TAOK1: variants seen among roughly 807,000 people sequenced by gnomAD.
TAOK1 encodes serine/threonine-protein kinase TAO1.
A neutral mutation model predicts 138.3 loss-of-function variants in TAOK1; 21 were observed. That is an observed-to-expected ratio of 0.15 (90% confidence interval 0.11 to 0.22). TAOK1 has a LOEUF of 0.22. Among genes scored for constraint, TAOK1 ranks in the 10% least tolerant of loss-of-function variants. TAOK1 has a pLI of 1.00. For missense variants in TAOK1, 651 were observed against 1,227.7 expected (o/e 0.53, Z 7.02); for synonymous variants, 361 against 398.4 (o/e 0.91, Z 1.12).
In TAOK1 at chr17:29,406,584, A is replaced by G. The variant is rs560898488; in HGVS notation, c.-95+15560A>G. Among the ~76,000 whole-genome samples the G allele has an allele frequency of 1.3e-4, 19 of 151,976 alleles. No homozygotes were observed. The East Asian group carries it at 1.4e-3, about 11-fold the overall frequency. On this transcript the variant is annotated intron_variant, in intron 1 of 19. Transcript: ENST00000261716. ...ACTGTTTTGCCCAGACTGAAGTGCA[A>G]TGGCACAATCACGGCTCACTGTAGC...
intron 3 of TAOK1, among the ~76,000 whole-genome samples, chr17:29,468,135 A>ATGTTTTTTTTTTTTTTTTTTTTTTT (rs2030720785): frequency 1.3e-5 from 1 of 76,058 alleles, no homozygotes; most frequent in Non-Finnish European, 2.5e-5. Flanking sequence ...CCTGCTTTCA[A>ATGTTTTTTTTTTTTTTTTTTTTTTT]TTTTTTTTTT....
chr17:29,395,991 G>A (rs1008139865), intron 1 of TAOK1, among the ~76,000 whole-genome samples: 3 of 151,638 alleles, frequency 2.0e-5, no homozygotes, highest in Non-Finnish European at 4.4e-5. Flanking sequence ...TACTATTAAT[G>A]GTTGGATTTT....
chr17:29,481,080 G>A (rs1462552008), intron 7 of TAOK1, among the ~76,000 whole-genome samples: 1 of 151,830 alleles, frequency 6.6e-6, no homozygotes, highest in Non-Finnish European at 1.5e-5. Flanking sequence ...ATTCAGTCTT[G>A]GTTATTGTGG....
chr17:29,491,989 A>G, intron 10 of TAOK1, 124 bp downstream of exon 10: 1 of 649,556 alleles, frequency 1.5e-6, no homozygotes, highest in Non-Finnish European at 2.7e-6. Context: ...GGCTCAAGCG[A>G]TCCTCCCACC....
chr17:29,493,321 C>T lies in TAOK1; in HGVS notation c.831+1456C>T, dbSNP rs140365788. On this transcript the variant is annotated intron_variant, in intron 10 of 19. Transcript: ENST00000261716. ...ACCAGCCTGAGCAACGTGGAGAAACCCTGTCTCTACTAAAAATACAAAATT... is the reference window on the plus strand; with the variant it reads ...ACCAGCCTGAGCAACGTGGAGAAACTCTGTCTCTACTAAAAATACAAAATT... 3.3e-3 allele frequency among the ~76,000 whole-genome samples: 495 copies of T among 151,994 alleles called. 6 individuals carry two copies. The highest frequency in any genetic ancestry group is 0.011 in the African/African-American group (475 of 41,468).
At chr17:29,418,206 C>T (rs111858866) in intron 1 of TAOK1, among the ~76,000 whole-genome samples, 1,834 of 152,026 alleles carry the variant, frequency 0.012, 32 homozygotes, top group African/African-American at 0.042. Flanking sequence ...TGTTTCGAGA[C>T]AGGATCTTGC....
At chr17:29,398,451 C>G (rs542799189) in intron 1 of TAOK1, among the ~76,000 whole-genome samples, 174 of 152,222 alleles carry the variant, frequency 1.1e-3, no homozygotes, top group African/African-American at 4.1e-3. Flanking sequence ...AGGTGATCGC[C>G]TGCCTTGGCC....
intron 12 of TAOK1, 85 bp downstream of exon 12, chr17:29,498,606 G>A: frequency 6.7e-7 from 1 of 1,503,562 alleles, no homozygotes; most frequent in South Asian, 1.2e-5. Context: ...GAAGAAGGAA[G>A]ATAAGGAAGT....
rs1904383972 is a variant in TAOK1, at chr17:29,390,585, C to T, written c.-534C>T. On this transcript the variant is annotated 5_prime_UTR_variant, in exon 1 of 20. Transcript: ENST00000261716. ...CCGGCCGGCCCGCGGCCTCTCTTCC[C>T]TTTGTGAGCGCCTCCTTACCAGGGG... is the stretch of plus-strand genomic sequence containing the variant. 6.6e-6 allele frequency: 1 copy of T among 152,188 alleles called. No individual in the cohort carries two copies. Among genetic ancestry groups the T allele is most frequent in the Non-Finnish European group, 1.5e-5 (1 of 68,218 alleles). The allele number at this position is 152,188 out of a possible 1,614,324, so 9.4% of individuals were successfully genotyped here.
At chr17:29,425,471 G>A (rs1293806413) in intron 1 of TAOK1, among the ~76,000 whole-genome samples, 1 of 152,156 alleles carries the variant, frequency 6.6e-6, no homozygotes, top group Non-Finnish European at 1.5e-5. Context: ...TTGAGTTCAC[G>A]AGTTTGAGAC....
At chr17:29,398,713 G>T (rs966237657) in intron 1 of TAOK1, among the ~76,000 whole-genome samples, 2 of 151,694 alleles carry the variant, frequency 1.3e-5, no homozygotes, top group Non-Finnish European at 1.5e-5. Context: ...TGTTTTTTTA[G>T]TAGAGACAGG....
intron 11 of TAOK1, among the ~76,000 whole-genome samples, chr17:29,497,567 G>A (rs1429229182): frequency 2.0e-5 from 3 of 151,838 alleles, no homozygotes; most frequent in African/African-American, 7.3e-5. Context: ...ACAGCTGCCC[G>A]TTTACATCAG....
chr17:29,540,732 G>T (rs1436830859), intron 19 of TAOK1, among the ~76,000 whole-genome samples: 1 of 152,044 alleles, frequency 6.6e-6, no homozygotes, highest in Non-Finnish European at 1.5e-5. Flanking sequence ...CACCACGCCC[G>T]GCTAATTTTG....
Position 29,453,701 on chromosome 17 carries a change from C to T in TAOK1, c.132+2021C>T, listed in dbSNP as rs1317989044. Among the ~76,000 whole-genome samples the T allele has an allele frequency of 5.3e-5, 8 of 151,870 alleles. No individual in the cohort carries two copies. The East Asian group carries it at 5.8e-4, about 11-fold the overall frequency. Reference sequence around the variant, plus strand: ...AAGCAATTCTCCTGCCTCAACCTCTCGAGTAGCTGGGATTACAGGTGCATG... The same window carrying T: ...AAGCAATTCTCCTGCCTCAACCTCTTGAGTAGCTGGGATTACAGGTGCATG... On this transcript the variant is annotated intron_variant, in intron 2 of 19. Transcript: ENST00000261716.
intron 1 of TAOK1, among the ~76,000 whole-genome samples, chr17:29,440,528 A>T (rs1598482150): frequency 6.6e-6 from 1 of 151,972 alleles, no homozygotes; most frequent in Admixed American, 6.6e-5. Flanking sequence ...CAGTATTTAG[A>T]TACTTATCAT....
At chr17:29,412,223 AG>A (rs1905163376) in intron 1 of TAOK1, among the ~76,000 whole-genome samples, 1 of 152,084 alleles carries the variant, frequency 6.6e-6, no homozygotes, top group Non-Finnish European at 1.5e-5. Flanking sequence ...TTGTATTTTT[AG>A]TAAAGACGGG....
intron 19 of TAOK1, among the ~76,000 whole-genome samples, chr17:29,541,103 T>TTTG (rs1555569561): frequency 6.6e-6 from 1 of 151,920 alleles, no homozygotes; most frequent in Non-Finnish European, 1.5e-5. Flanking sequence ...AAAATTTTTG[T>TTTG]TTTGTTTATT....
At chr17:29,529,294 A>T (rs1192520393) in intron 17 of TAOK1, among the ~76,000 whole-genome samples, 1 of 152,130 alleles carries the variant, frequency 6.6e-6, no homozygotes, top group East Asian at 1.9e-4. Context: ...CATGAGAAAA[A>T]ATTTAATTTT....
chr17:29,524,284 A>G lies in TAOK1; in HGVS notation c.2148+1765A>G, dbSNP rs1314623048. 3.9e-5 allele frequency among the ~76,000 whole-genome samples: 6 copies of G among 152,308 alleles called. 1 individual carries two copies. In the South Asian group the frequency reaches 1.0e-3, roughly 26 times the overall value. ...CTCCCATGAACAGATTTTTAAACCAACGTGTCAGCAAAGTCAATTATGATT... is the reference window on the plus strand; with the variant it reads ...CTCCCATGAACAGATTTTTAAACCAGCGTGTCAGCAAAGTCAATTATGATT... On this transcript the variant is annotated intron_variant, in intron 17 of 19. Coordinates refer to ENST00000261716, the MANE Select transcript of TAOK1 (RefSeq NM_020791.4).
Sources: gnomAD v4.1 joint callset for allele counts (sites outside exome capture counted in the v4.1 genomes callset) on GRCh38, gnomAD v4.1.1 for gene constraint, MANE v1.5 for transcripts, NCBI Gene and HGNC (gene_info 2026-07-23, HGNC 2026-07-21) for gene names.